KATNBL1: variants seen among roughly 807,000 people sequenced by gnomAD.
KATNBL1 encodes the protein katanin regulatory subunit B1 like 1.
KATNBL1 carries 28 observed loss-of-function variants against 44.7 expected under a neutral mutation model. The ratio of observed to expected loss-of-function variants is 0.63; its 90% CI spans 0.46 to 0.86. The LOEUF (loss-of-function observed/expected upper bound fraction) is 0.86, where lower values mean the gene tolerates loss of function less well. Among genes scored for constraint, KATNBL1 ranks in the 40% least tolerant of loss-of-function variants. KATNBL1 has a pLI of 0.00. For missense variants in KATNBL1, 272 were observed against 350.7 expected (o/e 0.78, Z 1.79); for synonymous variants, 78 against 114.9 (o/e 0.68, Z 2.06).
At chr15:34,207,539 A>G (rs1890326358) in intron 1 of KATNBL1, among the ~76,000 whole-genome samples, 1 of 151,932 alleles carries the variant, frequency 6.6e-6, no homozygotes, top group African/African-American at 2.4e-5. Flanking sequence ...GAGTCTTGGT[A>G]TGTTGCCCAG....
At chr15:34,156,861 T>C (rs1337512610) in intron 2 of KATNBL1, among the ~76,000 whole-genome samples, 30 of 152,200 alleles carry the variant, frequency 2.0e-4, no homozygotes, top group Admixed American at 1.5e-3. Context: ...AAAATGAATG[T>C]ATAGCTTTAG....
Position 34,196,594 on chromosome 15 carries a change from G to A in KATNBL1, c.-15+13357C>T, listed in dbSNP as rs183010770. On this transcript the variant is annotated intron_variant, in intron 1 of 9. Coordinates refer to ENST00000256544, the MANE Select transcript of KATNBL1 (RefSeq NM_024713.3). ...AATACGAAAACCTGCCAGGCGTGGC[G>A]GCAGGCACCTGTAATCCCAGCTACT... is the stretch of plus-strand genomic sequence containing the variant. Among the ~76,000 whole-genome samples, 297 of 152,056 alleles carry A rather than the reference G, an allele frequency of 2.0e-3. 1 individual carries two copies. Among genetic ancestry groups the A allele is most frequent in the South Asian group, 4.2e-3 (20 of 4,818 alleles).
At chr15:34,158,306 C>T (rs1038857515) in intron 2 of KATNBL1, among the ~76,000 whole-genome samples, 7 of 152,196 alleles carry the variant, frequency 4.6e-5, no homozygotes, top group African/African-American at 1.7e-4. Context: ...GGTCTGGTAA[C>T]ACCCATTTCT....
chr15:34,154,930 A>C (rs760978498), intron 2 of KATNBL1: 4,945 of 478,464 alleles, frequency 0.01, 19 homozygotes, highest in Non-Finnish European at 0.014. Context: ...CACAGTCTAA[A>C]CTAATTCTGA....
At chr15:34,169,012 A>C (rs1889071706) in intron 1 of KATNBL1, among the ~76,000 whole-genome samples, 2 of 149,038 alleles carry the variant, frequency 1.3e-5, no homozygotes, top group Non-Finnish European at 3.0e-5. Flanking sequence ...GACATGCTAA[A>C]ATCACAATCA....
chr15:34,181,818 G>A (rs1361740806), intron 1 of KATNBL1, among the ~76,000 whole-genome samples: 2 of 101,720 alleles, frequency 2.0e-5, no homozygotes, highest in African/African-American at 7.7e-5. Flanking sequence ...ATATATACAT[G>A]TCCATATATA....
At chr15:34,188,282 G>A (rs567977028) in intron 1 of KATNBL1, among the ~76,000 whole-genome samples, 1 of 151,632 alleles carries the variant, frequency 6.6e-6, no homozygotes, top group Admixed American at 6.6e-5. Context: ...TGAGCTGGGT[G>A]TGGTGGCTCA....
In KATNBL1 at chr15:34,163,572, C is replaced by G; in HGVS notation, c.105G>C (p.Lys35Asn). The part of the protein sequence containing the change: ...PRKKISNFTN[K>N]NMKEVKKSPK... ...ACCATAGACTTACCTCCTTCATGTT[C>G]TTATTAGTGAAATTAGAGATCTTTT... Residue 35 changes from lysine to asparagine, a missense_variant, in exon 2 of 10, where the codon AAG (lysine) becomes AAC (asparagine). Around this residue, in one of 3 missense-constraint regions of KATNBL1, gnomAD observed 122 missense variants for 125.0 expected, o/e 0.98. Transcript: ENST00000256544. The G allele has an allele frequency of 6.3e-7, 1 of 1,595,022 alleles. No individual in the cohort carries two copies. The highest frequency in any genetic ancestry group is 8.5e-7 in the Non-Finnish European group (1 of 1,175,176).
At chr15:34,144,519 A>G (rs1478322982) in intron 9 of KATNBL1, among the ~76,000 whole-genome samples, 1 of 151,238 alleles carries the variant, frequency 6.6e-6, no homozygotes, top group Non-Finnish European at 1.5e-5. Flanking sequence ...AAGTAAAAGT[A>G]TTTCTTAATG....
Position 34,154,662 on chromosome 15 carries a change from A to G in KATNBL1, c.140T>C (p.Leu47Ser). The change falls in exon 3 of 10, where the codon TTG becomes TCG. Residue 47 changes from leucine to serine, a missense_variant. Physicochemically the swap from Leu to Ser is moderately radical, Grantham distance 145. This residue lies in a region of KATNBL1 where 122 missense variants were observed against 125.0 expected (regional missense o/e 0.98). Transcript: ENST00000256544. The stretch of plus-strand genomic sequence containing the variant: ...CTCTTACCTATTTATGTAAGCAGCC[A>G]ACTGTTTTGGAGATTTCTTAACCTG... ...MKEVKKSPKQ[L>S]AAYINRTVGQ... 1 of 1,586,060 alleles carries G rather than the reference A, an allele frequency of 6.3e-7. No homozygotes were observed. The highest frequency in any genetic ancestry group is 1.3e-5 in the African/African-American group (1 of 74,412).
At chr15:34,199,831 G>A (rs1890128878) in intron 1 of KATNBL1, 1 of 314 alleles carries the variant, frequency 3.2e-3, no homozygotes, top group African/African-American at 4.0e-3. Context: ...TTGTGAAGAC[G>A]GAAAGAACAA....
intron 2 of KATNBL1, among the ~76,000 whole-genome samples, chr15:34,161,205 C>T (rs758045570): frequency 6.6e-6 from 1 of 152,190 alleles, no homozygotes; most frequent in African/African-American, 2.4e-5. Context: ...ACTCTTGTGA[C>T]GTTTCTTACC....
At chr15:34,181,870 C>CATATAT (rs374057022) in intron 1 of KATNBL1, among the ~76,000 whole-genome samples, 45 of 73,098 alleles carry the variant, frequency 6.2e-4, no homozygotes, top group African/African-American at 2.2e-3. Flanking sequence ...TATATATATC[C>CATATAT]ATATATATAT....
intron 2 of KATNBL1, among the ~76,000 whole-genome samples, chr15:34,157,241 G>A (rs1436348744): frequency 2.0e-5 from 3 of 152,202 alleles, no homozygotes; most frequent in Admixed American, 6.5e-5. Context: ...GATCAAACCC[G>A]TTTTAGCTTT....
At chr15:34,167,686 C>G (rs1011222430) in intron 1 of KATNBL1, among the ~76,000 whole-genome samples, 4 of 152,138 alleles carry the variant, frequency 2.6e-5, no homozygotes, top group African/African-American at 9.7e-5. Context: ...ATGTTAAGGG[C>G]AGCCAGAGAG....
intron 1 of KATNBL1, among the ~76,000 whole-genome samples, chr15:34,180,492 A>C (rs1378143610): frequency 7.0e-6 from 1 of 143,592 alleles, no homozygotes; most frequent in Non-Finnish European, 1.5e-5. Context: ...CTTTTCCTCC[A>C]GCAGCTCCTC....
chr15:34,143,327 T>C (rs971791193), intron 9 of KATNBL1, among the ~76,000 whole-genome samples: 2 of 151,666 alleles, frequency 1.3e-5, no homozygotes, highest in African/African-American at 4.8e-5. Flanking sequence ...ATACAAAAAT[T>C]AGCCAGGCAT....
chr15:34,163,525 T>G (rs76821863), intron 2 of KATNBL1, 35 bp downstream of exon 2: 9 of 1,570,908 alleles, frequency 5.7e-6, no homozygotes, highest in Admixed American at 2.1e-5. Flanking sequence ...ACCGTTTAAA[T>G]TGTCTTATCT....
chr15:34,178,159 G>T (rs867122807), intron 1 of KATNBL1, among the ~76,000 whole-genome samples: 1 of 151,994 alleles, frequency 6.6e-6, no homozygotes, highest in African/African-American at 2.4e-5. Context: ...TTCTATTTTC[G>T]TTAATTGAAT....
Sources: gnomAD v4.1 joint callset for allele counts (sites outside exome capture counted in the v4.1 genomes callset) on GRCh38, gnomAD v4.1.1 for gene constraint, gnomAD v4.1.1 regional missense constraint, MANE v1.5 for transcripts, NCBI Gene and HGNC (gene_info 2026-07-23, HGNC 2026-07-21) for gene names.